Variants in ITPR2 observed in about 807,000 individuals in gnomAD.
ITPR2 encodes inositol 1,4,5-trisphosphate receptor type 2.
A neutral mutation model predicts 317.1 loss-of-function variants in ITPR2; 207 were observed. The ratio of observed to expected loss-of-function variants is 0.65; its 90% CI spans 0.58 to 0.73. ITPR2 has a LOEUF of 0.73. Among genes scored for constraint, ITPR2 ranks in the 30% least tolerant of loss-of-function variants. The pLI is 0.00. For missense variants in ITPR2, 2,613 were observed against 3,284.0 expected, an observed-to-expected ratio of 0.80 and a Z score of 4.99; for synonymous variants, 1,156 against 1,149.1, an observed-to-expected ratio of 1.01 and a Z score of -0.12.
chr12:26,830,200 A>G (rs1184818402), intron 1 of ITPR2, among the ~76,000 whole-genome samples: 10 of 152,302 alleles, frequency 6.6e-5, no homozygotes, highest in Non-Finnish European at 1.0e-4. Flanking sequence ...CACTGTGCCC[A>G]GCCCAATGGC....
At chr12:26,340,557 C>T (rs139196075) in intron 55 of ITPR2, among the ~76,000 whole-genome samples, 4 of 152,156 alleles carry the variant, frequency 2.6e-5, no homozygotes, top group East Asian at 1.9e-4. Flanking sequence ...AGGGAGGTTC[C>T]GGCTGAGACA....
intron 32 of ITPR2, among the ~76,000 whole-genome samples, chr12:26,584,287 T>C (rs1172732692): frequency 2.6e-5 from 4 of 152,166 alleles, no homozygotes; most frequent in Non-Finnish European, 4.4e-5. Flanking sequence ...GAAGCAGCCA[T>C]CAACGTTTCT....
intron 46 of ITPR2, among the ~76,000 whole-genome samples, chr12:26,441,087 T>A (rs1054255502): frequency 6.6e-6 from 1 of 152,152 alleles, no homozygotes; most frequent in African/African-American, 2.4e-5. Flanking sequence ...CAAGCTATCA[T>A]GTTGAGGGAG....
chr12:26,541,478 A>C (rs543374154), intron 37 of ITPR2, among the ~76,000 whole-genome samples: 3 of 152,364 alleles, frequency 2.0e-5, no homozygotes, highest in South Asian at 4.1e-4. Flanking sequence ...AAATGTATTT[A>C]ATAAGAAATA....
chr12:26,493,986 G>A (rs1942871382), intron 39 of ITPR2, 167 bp downstream of exon 39: 1 of 531,448 alleles, frequency 1.9e-6, no homozygotes, highest in African/African-American at 2.0e-5. Context: ...GTGAAGCTCT[G>A]TAGTTTCTAC....
chr12:26,650,151 G>T (rs1375633994), intron 21 of ITPR2, among the ~76,000 whole-genome samples: 1 of 152,154 alleles, frequency 6.6e-6, no homozygotes, highest in African/African-American at 2.4e-5. Context: ...TTAAATTTAT[G>T]TGTCTTTGAG....
intron 26 of ITPR2, among the ~76,000 whole-genome samples, chr12:26,609,300 T>C (rs1946210076): frequency 6.6e-6 from 1 of 152,162 alleles, no homozygotes; most frequent in Admixed American, 6.5e-5. Flanking sequence ...CACTAACAAC[T>C]TGTATTGAAT....
At position 26,339,155 on chromosome 12, in the gene ITPR2, T is replaced by C; in HGVS notation, c.*242A>G. 2.3e-6 allele frequency: 1 copy of C among 430,784 alleles called. No individual in the cohort carries two copies. 26.7% of individuals were successfully genotyped at this position (430,784 alleles called of 1,614,324 possible). A position where few individuals can be genotyped will look rare whatever the true frequency, so the allele number is the denominator to read the frequency against. The stretch of plus-strand genomic sequence containing the variant: ...TCCAGCCTTTTGGGCAAGCCTTTTC[T>C]TCCTGATGCATTGCGAATGTGTGAT... On this transcript the variant is annotated 3_prime_UTR_variant, in exon 57 of 57. Transcript: ENST00000381340.
At chr12:26,519,781 T>C (rs1014109873) in intron 37 of ITPR2, among the ~76,000 whole-genome samples, 9 of 152,176 alleles carry the variant, frequency 5.9e-5, no homozygotes, top group Non-Finnish European at 1.0e-4. Context: ...CTGAAAACAG[T>C]AAGAGAATTT....
chr12:26,446,439 T>C (rs946267343), intron 45 of ITPR2, among the ~76,000 whole-genome samples: 10 of 152,096 alleles, frequency 6.6e-5, no homozygotes, highest in Non-Finnish European at 1.5e-4. Context: ...TCTCCCAAGG[T>C]GAGACAGTAA....
At chr12:26,765,990 G>T (rs754448159) in intron 2 of ITPR2, among the ~76,000 whole-genome samples, 7 of 152,094 alleles carry the variant, frequency 4.6e-5, no homozygotes, top group Non-Finnish European at 5.9e-5. Flanking sequence ...ACATCTTATG[G>T]CTAAATAATG....
At chr12:26,776,007 G>A (rs1278538243) in intron 2 of ITPR2, among the ~76,000 whole-genome samples, 1 of 145,090 alleles carries the variant, frequency 6.9e-6, no homozygotes, top group Non-Finnish European at 1.5e-5. Flanking sequence ...ACAGATTTTG[G>A]TACCAGGAGT....
At chr12:26,581,739 G>A (rs1945409852) in intron 32 of ITPR2, among the ~76,000 whole-genome samples, 1 of 152,112 alleles carries the variant, frequency 6.6e-6, no homozygotes, top group Admixed American at 6.6e-5. Flanking sequence ...TGATGGATAA[G>A]AATTAGGATT....
At chr12:26,622,465 A>G in intron 24 of ITPR2, 60 bp from the exon 25 acceptor site, 3 of 1,302,578 alleles carry the variant, frequency 2.3e-6, no homozygotes, top group Non-Finnish European at 3.2e-6. Context: ...ACACTTCAGT[A>G]TTAGAATTGT....
At chr12:26,441,946 A>T (rs1333354305) in intron 46 of ITPR2, among the ~76,000 whole-genome samples, 2 of 152,004 alleles carry the variant, frequency 1.3e-5, no homozygotes. Flanking sequence ...CTATATAGAG[A>T]TCTATATGTA....
chr12:26,388,974 G>A (rs183218320), intron 54 of ITPR2, among the ~76,000 whole-genome samples: 57 of 152,182 alleles, frequency 3.7e-4, no homozygotes, highest in African/African-American at 1.3e-3. Flanking sequence ...AATCCTCTCC[G>A]CCTCTCACAC....
At chr12:26,395,498 A>G (rs1057438302) in intron 54 of ITPR2, among the ~76,000 whole-genome samples, 18 of 152,196 alleles carry the variant, frequency 1.2e-4, no homozygotes, top group Non-Finnish European at 2.2e-4. Flanking sequence ...AGACAATATC[A>G]TGTCTTAGAA....
chr12:26,751,997 G>A (rs548109987), intron 2 of ITPR2, among the ~76,000 whole-genome samples: 1 of 152,252 alleles, frequency 6.6e-6, no homozygotes, highest in South Asian at 2.1e-4. Context: ...TCTTGAGTGG[G>A]TCAATGCATA....
At chr12:26,666,447 A>G (rs1294053579) in intron 13 of ITPR2, among the ~76,000 whole-genome samples, 6 of 152,210 alleles carry the variant, frequency 3.9e-5, no homozygotes, top group African/African-American at 1.4e-4. Flanking sequence ...AGTTGGTAGG[A>G]TGACACCACC....
Sources: gnomAD v4.1 joint callset for allele counts (sites outside exome capture counted in the v4.1 genomes callset) on GRCh38, gnomAD v4.1.1 for gene constraint, MANE v1.5 for transcripts, NCBI Gene and HGNC (gene_info 2026-07-23, HGNC 2026-07-21) for gene names.